Variants in GRM1 observed in about 807,000 individuals in gnomAD.
The protein encoded by GRM1 is glutamate metabotropic receptor 1.
In GRM1, 33 loss-of-function variants were observed where a neutral mutation model predicts 90.9. The ratio of observed to expected loss-of-function variants is 0.36; its 90% confidence interval spans 0.28 to 0.49. GRM1 has a LOEUF of 0.49. GRM1 is among the 20% of genes least tolerant of loss of function. The pLI, the probability that GRM1 is intolerant of heterozygous loss-of-function variation, is 0.99. For synonymous variants in GRM1, 700 were observed against 613.2 expected, an observed-to-expected ratio of 1.14 and a Z score of -2.09; for missense variants, 1,190 against 1,534.3, an observed-to-expected ratio of 0.78 and a Z score of 3.75.
rs1037209850 is a variant in GRM1, at chr6:146,434,385, C to G, written c.3174C>G (p.Pro1058=). 1 of 1,613,126 alleles carries G rather than the reference C, an allele frequency of 6.2e-7. No homozygotes were observed. Among genetic ancestry groups the G allele is most frequent in the African/African-American group, 1.3e-5 (1 of 74,916 alleles). Residue 1058 remains proline (P), a synonymous_variant, in exon 8 of 8, where the codon CCC becomes CCG. Transcript: ENST00000282753. Reference sequence around the variant, plus strand: ...CGGTGCTGGCAGGCCCCGGTGGTCCCGGGAACGGGCTGCGGTCCCTGTACC... The same window carrying G: ...CGGTGCTGGCAGGCCCCGGTGGTCCGGGGAACGGGCTGCGGTCCCTGTACC... ...FHAVLAGPGG[P]GNGLRSLYPP...
At chr6:146,228,386 G>A (rs139747695) in intron 2 of GRM1, among the ~76,000 whole-genome samples, 53 of 152,278 alleles carry the variant, frequency 3.5e-4, no homozygotes, top group African/African-American at 1.2e-3. Flanking sequence ...AGGAGCACCA[G>A]GGGTTAGGCT....
At chr6:146,137,760 A>T (rs543718604) in intron 1 of GRM1, among the ~76,000 whole-genome samples, 1 of 152,286 alleles carries the variant, frequency 6.6e-6, no homozygotes, top group East Asian at 1.9e-4. Flanking sequence ...TGAACATTTT[A>T]ACAACATTAA....
At chr6:146,045,412 T>A (rs1008733893) in intron 1 of GRM1, among the ~76,000 whole-genome samples, 11 of 151,960 alleles carry the variant, frequency 7.2e-5, no homozygotes, top group African/African-American at 2.7e-4. Context: ...AAGTAAGATC[T>A]TAGTTTTGTT....
In GRM1 at chr6:146,269,546, G is replaced by C. The variant is rs1782036756; in HGVS notation, c.951-35065G>C. Among the ~76,000 whole-genome samples, 3 of 152,326 alleles carry C rather than the reference G, an allele frequency of 2.0e-5. No individual in the cohort carries two copies. In the South Asian group the frequency reaches 6.2e-4, roughly 32 times the overall value. Reference sequence around the variant, plus strand: ...CAGGGGTCCCCAACCTCCAGTCTCAGGTTGGTACCAATCTGTGGGCTGTTA... The same window carrying C: ...CAGGGGTCCCCAACCTCCAGTCTCACGTTGGTACCAATCTGTGGGCTGTTA... On this transcript the variant is annotated intron_variant, in intron 2 of 7. Transcript: ENST00000282753.
intron 1 of GRM1, among the ~76,000 whole-genome samples, chr6:146,157,765 T>G (rs1405662097): frequency 6.6e-6 from 1 of 152,038 alleles, no homozygotes; most frequent in Non-Finnish European, 1.5e-5. Context: ...ACACTTCAAA[T>G]TTACAACAGA....
At chr6:146,086,962 A>G (rs895394464) in intron 1 of GRM1, among the ~76,000 whole-genome samples, 2 of 152,166 alleles carry the variant, frequency 1.3e-5, no homozygotes, top group Admixed American at 6.6e-5. Flanking sequence ...CCCTAAGTGC[A>G]GATTTCCCCC....
chr6:146,379,868 G>A (rs972364975), intron 5 of GRM1, among the ~76,000 whole-genome samples: 2 of 151,950 alleles, frequency 1.3e-5, no homozygotes, highest in Non-Finnish European at 2.9e-5. Context: ...TCCAGGACAA[G>A]TCTCTGGGTT....
At chr6:146,062,858 A>G (rs756970520) in intron 1 of GRM1, among the ~76,000 whole-genome samples, 5 of 152,072 alleles carry the variant, frequency 3.3e-5, no homozygotes, top group Non-Finnish European at 7.4e-5. Flanking sequence ...CATTAAGTAG[A>G]TATTTTCTAA....
chr6:146,212,107 G>A (rs2114648941), intron 2 of GRM1, among the ~76,000 whole-genome samples: 1 of 152,254 alleles, frequency 6.6e-6, no homozygotes, highest in East Asian at 1.9e-4. Flanking sequence ...TTAACTGAGG[G>A]AATCAGGTCC....
intron 5 of GRM1, among the ~76,000 whole-genome samples, chr6:146,358,766 C>T (rs1583381660): frequency 6.6e-6 from 1 of 152,210 alleles, no homozygotes; most frequent in East Asian, 1.9e-4. Flanking sequence ...GGATCTGCAA[C>T]CTGTACCAGC....
intron 2 of GRM1, among the ~76,000 whole-genome samples, chr6:146,203,982 A>C (rs980273532): frequency 6.6e-6 from 1 of 152,234 alleles, no homozygotes; most frequent in Admixed American, 6.5e-5. Flanking sequence ...ACGTTTTATA[A>C]GAATAAATTC....
rs780098207 is a variant in GRM1 at position 146,029,757 on chromosome 6, G to A, written c.240G>A (p.Glu80=). 5.6e-6 allele frequency: 9 copies of A among 1,613,742 alleles called. No homozygotes were observed. The East Asian group carries it at 8.9e-5, about 16-fold the overall frequency. Residue 80 remains glutamate, a synonymous_variant, in exon 1 of 8, where the codon GAG becomes GAA. Coordinates refer to ENST00000282753, the MANE Select transcript of GRM1 (RefSeq NM_001278064.2). ...IREQYGIQRV[E]AMFHTLDKIN... ...AGCAGTATGGCATCCAGAGGGTGGAGGCCATGTTCCACACGTTGGATAAGA... is the reference window on the plus strand; with the variant it reads ...AGCAGTATGGCATCCAGAGGGTGGAAGCCATGTTCCACACGTTGGATAAGA...
intron 5 of GRM1, among the ~76,000 whole-genome samples, chr6:146,368,269 G>T (rs985538306): frequency 6.2e-5 from 8 of 128,130 alleles, no homozygotes; most frequent in South Asian, 2.8e-4. Context: ...TTGGGGGGGG[G>T]GGTAGAATCT....
At chr6:146,028,075 A>G (rs1790555914), upstream of GRM1, among the ~76,000 whole-genome samples, 1 of 152,030 alleles carries the variant, frequency 6.6e-6, no homozygotes. Context: ...GAAAAGGAGC[A>G]GGGGAGGAAC....
intron 3 of GRM1, among the ~76,000 whole-genome samples, chr6:146,346,247 T>C (rs1785186978): frequency 6.6e-6 from 1 of 152,230 alleles, no homozygotes; most frequent in South Asian, 2.1e-4. Context: ...GAAATTTCTG[T>C]TTTAACAATA....
chr6:146,408,335 G>A (rs556292688), intron 7 of GRM1, among the ~76,000 whole-genome samples: 3 of 152,184 alleles, frequency 2.0e-5, no homozygotes, highest in South Asian at 2.1e-4. Context: ...GATGTCTATC[G>A]AGTCATCTGT....
In GRM1 at chr6:146,030,233, G is replaced by T. The variant is rs1434524035; in HGVS notation, c.700+16G>T. 2 of 1,536,484 alleles carry T rather than the reference G, an allele frequency of 1.3e-6. No individual in the cohort carries two copies. The highest frequency in any genetic ancestry group is 1.4e-5 in the African/African-American group (1 of 73,550). ...CACACGGAAGGTAGGCATTATATTT[G>T]GGAAAGAAGGGTACTGAGAAAGTCA... On this transcript the variant is annotated intron_variant, in intron 1 of 7. Transcript: ENST00000282753.
upstream of GRM1, among the ~76,000 whole-genome samples, chr6:146,028,116 C>G (rs1790558124): frequency 6.6e-6 from 1 of 152,104 alleles, no homozygotes; most frequent in Non-Finnish European, 1.5e-5. Context: ...GCCCCGCAGG[C>G]GGCTGAGATT....
rs183819957 is a variant in GRM1 at position 146,172,978 on chromosome 6, C to A, written c.950+13381C>A. Among the ~76,000 whole-genome samples, 280 of 152,266 alleles carry A rather than the reference C, an allele frequency of 1.8e-3. 3 individuals are homozygous for A. Among genetic ancestry groups the A allele is most frequent in the Admixed American group, 2.1e-3 (32 of 15,300 alleles). On this transcript the variant is annotated intron_variant, in intron 2 of 7. Transcript: ENST00000282753. ...GATTTTGAAAAGAGAGGCGACATTTCTTCCTCTGACCCAGGAGAGTGAGCG... is the reference window on the plus strand; with the variant it reads ...GATTTTGAAAAGAGAGGCGACATTTATTCCTCTGACCCAGGAGAGTGAGCG...
Sources: gnomAD v4.1 joint callset for allele counts (sites outside exome capture counted in the v4.1 genomes callset) on GRCh38, gnomAD v4.1.1 for gene constraint, MANE v1.5 for transcripts, NCBI Gene and HGNC (gene_info 2026-07-23, HGNC 2026-07-21) for gene names.